PCDH11X: variants seen among roughly 807,000 people sequenced by gnomAD.
PCDH11X encodes the protein protocadherin 11 X-linked.
In PCDH11X, 18 loss-of-function variants were observed where a neutral mutation model predicts 53.3. That is an observed-to-expected ratio of 0.34 (90% CI 0.23 to 0.50). The LOEUF (loss-of-function observed/expected upper bound fraction) is 0.50, where lower values mean the gene tolerates loss of function less well. PCDH11X is among the 20% of genes least tolerant of loss of function. The pLI, the probability that PCDH11X is intolerant of heterozygous loss-of-function variation, is 0.98. For missense variants in PCDH11X, 570 were observed against 1,032.4 expected (o/e 0.55, Z 6.14); for synonymous variants, 279 against 393.3 (o/e 0.71, Z 3.44).
chrX:92,173,846 A>ATGG (rs1489917657), intron 6 of PCDH11X, among the ~76,000 whole-genome samples: 12 of 105,396 alleles, frequency 1.1e-4, no homozygotes, highest in Non-Finnish European at 2.1e-4. Flanking sequence ...TTAGTGAGGC[A>ATGG]TGGTGGTGCA....
At chrX:92,132,685 A>ATG (rs1226579029) in intron 6 of PCDH11X, among the ~76,000 whole-genome samples, 309 of 79,759 alleles carry the variant, frequency 3.9e-3, no homozygotes, top group Non-Finnish European at 5.6e-3. Flanking sequence ...GTATATATAT[A>ATG]TGTATATATA....
At chrX:92,207,200 A>G (rs1281901495) in intron 7 of PCDH11X, among the ~76,000 whole-genome samples, 2 of 112,017 alleles carry the variant, frequency 1.8e-5, no homozygotes, top group African/African-American at 6.5e-5. Context: ...CAAATATGCT[A>G]GCAGCTGTGC....
At chrX:91,855,983 C>A (rs193039108) in intron 5 of PCDH11X, among the ~76,000 whole-genome samples, 1 of 105,359 alleles carries the variant, frequency 9.5e-6, no homozygotes, top group Non-Finnish European at 1.9e-5. Flanking sequence ...ATTTGGATAA[C>A]CTTTATATCT....
intron 6 of PCDH11X, among the ~76,000 whole-genome samples, chrX:92,133,941 G>A (rs945744109): frequency 5.4e-5 from 6 of 111,621 alleles, no homozygotes; most frequent in African/African-American, 2.0e-4. Flanking sequence ...ACATTTTAGG[G>A]AGACATGAGC....
At chrX:92,250,819 A>G (rs896911961) in intron 7 of PCDH11X, among the ~76,000 whole-genome samples, 3 of 108,993 alleles carry the variant, frequency 2.8e-5, no homozygotes, top group Non-Finnish European at 5.7e-5. Context: ...GGAAATAGTA[A>G]ATGTTTAAAT....
intron 6 of PCDH11X, among the ~76,000 whole-genome samples, chrX:91,910,964 C>T (rs1466441083): frequency 9.0e-6 from 1 of 110,744 alleles, no homozygotes; most frequent in Non-Finnish European, 1.9e-5. Flanking sequence ...TAATAATTTC[C>T]AACTTATTTT....
At chrX:92,234,273 G>C (rs561949762) in intron 7 of PCDH11X, among the ~76,000 whole-genome samples, 2 of 111,945 alleles carry the variant, frequency 1.8e-5, no homozygotes, top group South Asian at 7.4e-4. Context: ...ACTAGTCAGA[G>C]CATGCAGATA....
intron 6 of PCDH11X, among the ~76,000 whole-genome samples, chrX:92,178,700 AAGG>A (rs1370187279): frequency 1.8e-5 from 2 of 111,882 alleles, no homozygotes; most frequent in Non-Finnish European, 3.8e-5. Flanking sequence ...CCAAGGATAG[AAGG>A]AGAATATTCT....
chrX:92,102,832 A>G (rs745506233), intron 6 of PCDH11X, among the ~76,000 whole-genome samples: 1 of 111,586 alleles, frequency 9.0e-6, no homozygotes, highest in East Asian at 2.8e-4. Flanking sequence ...TGGTTGATAA[A>G]GCGCAGATTC....
intron 6 of PCDH11X, among the ~76,000 whole-genome samples, chrX:91,962,676 C>A (rs1448964884): frequency 1.8e-5 from 2 of 111,466 alleles, no homozygotes; most frequent in African/African-American, 3.3e-5. Context: ...CCTCTTACCC[C>A]ACATTTCACT....
chrX:92,186,376 T>G (rs2066094730), intron 6 of PCDH11X, among the ~76,000 whole-genome samples: 1 of 111,748 alleles, frequency 8.9e-6, no homozygotes, highest in Non-Finnish European at 1.9e-5. Flanking sequence ...ACGCCTGTAA[T>G]CCCAGCACTT....
chrX:92,355,118 G>T (rs1266684857), intron 8 of PCDH11X, among the ~76,000 whole-genome samples: 1 of 107,342 alleles, frequency 9.3e-6, no homozygotes, highest in African/African-American at 3.4e-5. Context: ...AATCTAAGTT[G>T]ACTACTTCTC....
intron 6 of PCDH11X, among the ~76,000 whole-genome samples, chrX:92,136,287 G>T (rs777856062): frequency 1.8e-5 from 2 of 110,845 alleles, no homozygotes; most frequent in South Asian, 7.7e-4. Flanking sequence ...GGCACTAGAT[G>T]TATGTGTGAC....
chrX:92,411,872 G>GA (rs1257979153), intron 9 of PCDH11X, among the ~76,000 whole-genome samples: 3 of 78,249 alleles, frequency 3.8e-5, no homozygotes, highest in East Asian at 4.4e-4. Context: ...AAGAAAGAAA[G>GA]AAGAAGAAGA....
chrX:92,019,924 G>A (rs986074728), intron 6 of PCDH11X, among the ~76,000 whole-genome samples: 17 of 111,622 alleles, frequency 1.5e-4, no homozygotes, highest in African/African-American at 5.5e-4. Context: ...TGGAGAGGAA[G>A]GAAGAACAGT....
chrX:92,563,381 CCCCCATGGTTCAATCACCT>C (rs1208722386), intron 10 of PCDH11X, among the ~76,000 whole-genome samples: 2 of 107,904 alleles, frequency 1.9e-5, no homozygotes, highest in Non-Finnish European at 3.8e-5. Flanking sequence ...GAGAAATCTT[CCCCCATGGTTCAATCACCT>C]CCCTCCCTGG....
chrX:91,929,674 A>G (rs1242454536), intron 6 of PCDH11X, among the ~76,000 whole-genome samples: 1 of 111,679 alleles, frequency 9.0e-6, no homozygotes, highest in Non-Finnish European at 1.9e-5. Flanking sequence ...TAATAAAATT[A>G]ACTTCGTGGC....
chrX:91,875,806 T>C (rs1939584356), intron 5 of PCDH11X, among the ~76,000 whole-genome samples: 1 of 110,818 alleles, frequency 9.0e-6, no homozygotes, highest in Non-Finnish European at 1.9e-5. Flanking sequence ...ATGGGAAATA[T>C]TGAAATTCTT....
rs1020471837 is a variant in PCDH11X, at chrX:92,058,501, T to TTA, written c.3034-142866_3034-142865dup. Among the ~76,000 whole-genome samples, 4 of 111,759 alleles carry TTA rather than the reference T, an allele frequency of 3.6e-5. No homozygotes were observed. In the South Asian group the frequency reaches 1.1e-3, roughly 30 times the overall value. On this transcript the variant is annotated intron_variant, in intron 6 of 10. Transcript: ENST00000682573. ...TTGCAAATGCTATGAATAAAATCAATTATATATATGTAAAAACGTATCTGC... is the reference window on the plus strand; with the variant it reads ...TTGCAAATGCTATGAATAAAATCAATTATATATATATGTAAAAACGTATCTGC...
Sources: gnomAD v4.1 joint callset for allele counts (sites outside exome capture counted in the v4.1 genomes callset) on GRCh38, gnomAD v4.1.1 for gene constraint, MANE v1.5 for transcripts, NCBI Gene and HGNC (gene_info 2026-07-23, HGNC 2026-07-21) for gene names.